MAST2: variants seen among roughly 807,000 people sequenced by gnomAD.
MAST2 encodes the protein microtubule associated serine/threonine kinase 2.
A neutral mutation model predicts 147.4 loss-of-function variants in MAST2; 70 were observed. That is an observed-to-expected ratio of 0.47 (90% CI 0.39 to 0.58). The LOEUF (loss-of-function observed/expected upper bound fraction) is 0.58. MAST2 is among the 20% of genes least tolerant of loss of function. MAST2 has a pLI of 0.00. For missense variants in MAST2, 2,080 were observed against 2,302.3 expected, an observed-to-expected ratio of 0.90 and a Z score of 1.98; for synonymous variants, 869 against 896.8, an observed-to-expected ratio of 0.97 and a Z score of 0.55.
intron 1 of MAST2, among the ~76,000 whole-genome samples, chr1:45,808,518 A>G (rs538057933): frequency 6.6e-6 from 1 of 152,292 alleles, no homozygotes; most frequent in East Asian, 1.9e-4. Context: ...CCACATCTGT[A>G]GTCTTTTACT....
At chr1:45,978,270 T>C (rs1273412217) in intron 5 of MAST2, among the ~76,000 whole-genome samples, 3 of 151,914 alleles carry the variant, frequency 2.0e-5, no homozygotes, top group African/African-American at 4.8e-5. Flanking sequence ...TGCCAACCTT[T>C]TGGGAGACCG....
chr1:45,932,884 G>A (rs1655543160), intron 4 of MAST2, among the ~76,000 whole-genome samples: 1 of 151,848 alleles, frequency 6.6e-6, no homozygotes, highest in Admixed American at 6.6e-5. Flanking sequence ...GATATTCCTG[G>A]CTGGCTTATT....
intron 1 of MAST2, among the ~76,000 whole-genome samples, chr1:45,813,499 T>G (rs1459993026): frequency 1.5e-5 from 1 of 66,072 alleles, no homozygotes; most frequent in African/African-American, 7.7e-5. Flanking sequence ...CTGGCCAATT[T>G]TTTTTTTTTT....
intron 3 of MAST2, among the ~76,000 whole-genome samples, chr1:45,879,761 AAT>A (rs1646765210): frequency 6.6e-6 from 1 of 152,160 alleles, no homozygotes; most frequent in Non-Finnish European, 1.5e-5. Context: ...TTCACAAAGG[AAT>A]ATATATTGAT....
intron 18 of MAST2, 144 bp downstream of exon 18, chr1:46,029,077 T>C: frequency 1.1e-6 from 1 of 898,496 alleles, no homozygotes; most frequent in Non-Finnish European, 1.7e-6. Context: ...GGGATGGGTG[T>C]CTCTGTGTTT....
chr1:46,008,229 G>A (rs1645567919), intron 8 of MAST2, 67 bp from the exon 9 acceptor site: 1 of 1,079,130 alleles, frequency 9.3e-7, no homozygotes, highest in African/African-American at 1.6e-5. Context: ...GGTCTCTGGG[G>A]ATGGCCATCT....
intron 3 of MAST2, among the ~76,000 whole-genome samples, chr1:45,872,669 C>T (rs1414206976): frequency 3.3e-5 from 5 of 152,022 alleles, no homozygotes; most frequent in Non-Finnish European, 7.4e-5. Flanking sequence ...TTAGAAGAGA[C>T]GGGGTTTCTC....
At chr1:45,975,288 C>T (rs928785409) in intron 5 of MAST2, among the ~76,000 whole-genome samples, 17 of 151,964 alleles carry the variant, frequency 1.1e-4, no homozygotes, top group African/African-American at 4.1e-4. Flanking sequence ...TTGGAGGTAG[C>T]TCATTGAATG....
Position 46,035,245 on chromosome 1 carries a change from C to T in MAST2, c.4576C>T (p.His1526Tyr), listed in dbSNP as rs892209356. The T allele has an allele frequency of 1.2e-6, 2 of 1,613,866 alleles. No individual in the cohort carries two copies. The highest frequency in any genetic ancestry group is 1.3e-5 in the African/African-American group (1 of 74,912). ...TGCACAGGAGCTGAGCTTGGCACCTCACCCAGAAGTGAGCCAGAGTGTGGC... is the reference window on the plus strand; with the variant it reads ...TGCACAGGAGCTGAGCTTGGCACCTTACCCAGAAGTGAGCCAGAGTGTGGC... The part of the protein sequence containing the change: ...QGAQELSLAP[H>Y]PEVSQSVAPK... Residue 1526 changes from histidine to tyrosine, a missense_variant, in exon 29 of 29, where the codon CAC becomes TAC. His to Tyr is a moderately conservative substitution (Grantham distance 83). Coordinates refer to ENST00000361297, the MANE Select transcript of MAST2 (RefSeq NM_015112.3). The surrounding 1 kb of genome is among the most constrained non-coding windows in gnomAD (Gnocchi z 5.5).
intron 10 of MAST2, among the ~76,000 whole-genome samples, chr1:46,015,331 G>C (rs2149258527): frequency 1.3e-5 from 2 of 152,248 alleles, no homozygotes; most frequent in Middle Eastern, 6.8e-3. Flanking sequence ...AATCAGAGCA[G>C]AACTGACGGA....
chr1:45,983,058 C>T lies in MAST2; in HGVS notation c.593-14666C>T, dbSNP rs1367317527. Among the ~76,000 whole-genome samples the T allele has an allele frequency of 3.0e-4, 46 of 152,190 alleles. 1 individual carries two copies. The highest frequency in any genetic ancestry group is 4.4e-5 in the Non-Finnish European group (3 of 68,042). ...ACAGATGCCTTTTGCCAAAGATTTC[C>T]ATCACATATATAGTGGTCTGTTTTT... On this transcript the variant is annotated intron_variant, in intron 5 of 28. Coordinates refer to ENST00000361297, the MANE Select transcript of MAST2 (RefSeq NM_015112.3).
intron 1 of MAST2, among the ~76,000 whole-genome samples, chr1:45,812,000 C>T (rs1269550102): frequency 2.0e-5 from 3 of 151,900 alleles, no homozygotes; most frequent in African/African-American, 7.3e-5. Context: ...GACCTCCTGA[C>T]CTCAGGTGAT....
At chr1:46,029,734 G>C (rs925292829) in intron 19 of MAST2, 97 bp from the exon 20 acceptor site, 72 of 1,484,996 alleles carry the variant, frequency 4.8e-5, no homozygotes, top group Non-Finnish European at 5.9e-5. Context: ...TGATCCCCTA[G>C]GTATAGCTTC....
chr1:45,855,531 C>T (rs1038994428), intron 3 of MAST2, among the ~76,000 whole-genome samples: 2 of 151,584 alleles, frequency 1.3e-5, no homozygotes, highest in Non-Finnish European at 2.9e-5. Context: ...AGTCCCTCAG[C>T]GCTGGTAATT....
At chr1:45,850,040 G>C (rs888733350) in intron 3 of MAST2, among the ~76,000 whole-genome samples, 1 of 152,268 alleles carries the variant, frequency 6.6e-6, no homozygotes, top group Admixed American at 6.5e-5. Context: ...ACTTTCCAGA[G>C]TGCTAAACTA....
intron 1 of MAST2, among the ~76,000 whole-genome samples, chr1:45,806,762 A>G (rs927941208): frequency 3.9e-5 from 6 of 152,126 alleles, no homozygotes; most frequent in African/African-American, 1.4e-4. Context: ...TTTTTAGTGG[A>G]GATGGGGTTT....
intron 4 of MAST2, among the ~76,000 whole-genome samples, chr1:45,933,063 TAAAAAAAA>T (rs61544126): frequency 1.5e-3 from 134 of 88,264 alleles, no homozygotes; most frequent in African/African-American, 5.6e-3. Flanking sequence ...CCCATTTCTT[TAAAAAAAA>T]AAAAAAAAAA....
chr1:45,821,662 G>A (rs1189012456), intron 1 of MAST2, among the ~76,000 whole-genome samples: 1 of 151,446 alleles, frequency 6.6e-6, no homozygotes, highest in East Asian at 1.9e-4. Context: ...TGGAACTACA[G>A]GCATGCACCA....
Position 46,030,761 on chromosome 1 carries a change from T to A in MAST2, c.2708T>A (p.Ile903Lys). 1 of 1,575,250 alleles carries A rather than the reference T, an allele frequency of 6.3e-7. No individual in the cohort carries two copies. The highest frequency in any genetic ancestry group is 8.6e-7 in the Non-Finnish European group (1 of 1,165,080). Residue 903 changes from isoleucine (I) to lysine (K), a missense_variant and splice_region_variant, in exon 22 of 29, where the codon ATA becomes AAA. By Grantham distance (102) the Ile-to-Lys change is moderately radical (BLOSUM62 -3). This residue lies in a region of MAST2 where 1,278 missense variants were observed against 1,304.2 expected (regional missense o/e 0.98). Transcript: ENST00000361297. Reference sequence around the variant, plus strand: ...AGCTGGGTGATTGGCTCCCCTGAGATGTGAGCACCCAGAGTTCACCCAGGG... The same window carrying A: ...AGCTGGGTGATTGGCTCCCCTGAGAAGTGAGCACCCAGAGTTCACCCAGGG... Reference protein sequence around the residue: ...DRSWVIGSPEILRKRLSVSES... With the variant: ...DRSWVIGSPEKLRKRLSVSES...
Sources: allele counts gnomAD v4.1 joint callset (sites outside exome capture counted in the v4.1 genomes callset), GRCh38; gene constraint gnomAD v4.1.1; regional missense constraint gnomAD v4.1.1; non-coding constraint Gnocchi (gnomAD v3.1); transcripts MANE v1.5; gene names NCBI Gene and HGNC (gene_info 2026-07-23, HGNC 2026-07-21).